MICAL2: variants seen among roughly 807,000 people sequenced by gnomAD.
MICAL2 encodes the protein [F-actin]-monooxygenase MICAL2.
Under a neutral mutation model 127.3 loss-of-function variants are expected in MICAL2, and 77 were observed. That is an observed-to-expected ratio of 0.60 (90% confidence interval 0.50 to 0.73). MICAL2 has a LOEUF of 0.73. Ranked by LOEUF, MICAL2 falls within the 30% of genes least tolerant of loss-of-function variation. The pLI, the probability that MICAL2 is intolerant of heterozygous loss-of-function variation, is 0.00. For synonymous variants in MICAL2, 570 were observed against 551.1 expected (o/e 1.03, Z -0.48); for missense variants, 1,351 against 1,434.4 (o/e 0.94, Z 0.94).
intron 2 of MICAL2, among the ~76,000 whole-genome samples, chr11:12,151,412 G>A (rs1161804224): frequency 6.6e-5 from 10 of 152,140 alleles, no homozygotes. Context: ...TTCACATTGG[G>A]AAGGAATGCC....
chr11:12,141,769 C>T (rs190722921), intron 2 of MICAL2, among the ~76,000 whole-genome samples: 25 of 152,246 alleles, frequency 1.6e-4, no homozygotes, highest in Middle Eastern at 6.8e-3. Flanking sequence ...CCCAAGTTGG[C>T]CAACCCTTGT....
intron 1 of MICAL2, among the ~76,000 whole-genome samples, chr11:12,280,651 G>T (rs1231950984): frequency 6.6e-6 from 1 of 152,154 alleles, no homozygotes; most frequent in Non-Finnish European, 1.5e-5. Flanking sequence ...ATGGGACAAG[G>T]GCCCAGCCTA....
intron 29 of MICAL2, among the ~76,000 whole-genome samples, chr11:12,303,165 G>A (rs2134808041): frequency 6.6e-6 from 1 of 152,292 alleles, no homozygotes; most frequent in East Asian, 1.9e-4. Context: ...TTGATACATG[G>A]GGATTATGGG....
At chr11:12,149,164 CA>C (rs1178353439) in intron 2 of MICAL2, among the ~76,000 whole-genome samples, 1 of 151,964 alleles carries the variant, frequency 6.6e-6, no homozygotes, top group Non-Finnish European at 1.5e-5. Flanking sequence ...TCAGCATCAG[CA>C]AAGGCATGTG....
downstream of MICAL2, among the ~76,000 whole-genome samples, chr11:12,266,387 G>C (rs1565288051): frequency 6.6e-6 from 1 of 152,210 alleles, no homozygotes. Flanking sequence ...CGGTCAAGCA[G>C]AGTGGGTGGG....
chr11:12,341,576 C>T (rs967676184), intron 32 of MICAL2, among the ~76,000 whole-genome samples: 21 of 152,238 alleles, frequency 1.4e-4, no homozygotes, highest in African/African-American at 4.8e-4. Context: ...CCTCTAATCC[C>T]AGCACTTTGG....
chr11:12,333,060 A>G (rs1349035467), intron 32 of MICAL2, among the ~76,000 whole-genome samples: 1 of 152,220 alleles, frequency 6.6e-6, no homozygotes, highest in Admixed American at 6.5e-5. Flanking sequence ...CAAATATTGA[A>G]CAAACGTATT....
At chr11:12,245,459 T>C (rs1860607552) in intron 21 of MICAL2, among the ~76,000 whole-genome samples, 1 of 152,160 alleles carries the variant, frequency 6.6e-6, no homozygotes, top group African/African-American at 2.4e-5. Flanking sequence ...AGGAGAACGG[T>C]GTAGGTAGAG....
intron 31 of MICAL2, chr11:12,324,149 G>C (rs932480959): frequency 1.3e-6 from 2 of 1,520,934 alleles, no homozygotes; most frequent in African/African-American, 2.8e-5. Flanking sequence ...AGTTTTGGGG[G>C]TCTGCATTGT....
chr11:12,269,154 A>G (rs921694026), intron 24 of MICAL2, among the ~76,000 whole-genome samples: 3 of 152,164 alleles, frequency 2.0e-5, no homozygotes, highest in African/African-American at 4.8e-5. Flanking sequence ...TTGTTTGCTC[A>G]GTGCTGGGGT....
At chr11:12,325,227 A>G (rs1864341420) in intron 31 of MICAL2, among the ~76,000 whole-genome samples, 1 of 152,150 alleles carries the variant, frequency 6.6e-6, no homozygotes, top group Non-Finnish European at 1.5e-5. Context: ...CTCTTGCCTC[A>G]GCCTCCTGAG....
chr11:12,337,407 C>A (rs1432677659), intron 32 of MICAL2, among the ~76,000 whole-genome samples: 2 of 152,056 alleles, frequency 1.3e-5, no homozygotes, highest in Non-Finnish European at 2.9e-5. Context: ...AAAACCAGCT[C>A]CTGGATTCAT....
chr11:12,232,165 T>C (rs910973825), intron 15 of MICAL2, among the ~76,000 whole-genome samples: 8 of 152,226 alleles, frequency 5.3e-5, no homozygotes, highest in Admixed American at 3.9e-4. Context: ...TAAATGAAGA[T>C]GCTTGTTTTC....
intron 1 of MICAL2, among the ~76,000 whole-genome samples, chr11:12,123,822 T>C (rs1475270847): frequency 1.6e-5 from 2 of 128,654 alleles, no homozygotes; most frequent in Non-Finnish European, 3.5e-5. Context: ...TTCTCTGTGG[T>C]TTTCCTCTGA....
At chr11:12,205,093 T>A (rs938680732) in intron 4 of MICAL2, among the ~76,000 whole-genome samples, 1 of 152,112 alleles carries the variant, frequency 6.6e-6, no homozygotes, top group Non-Finnish European at 1.5e-5. Flanking sequence ...GAGAACATCA[T>A]GATGGGACTT....
At chr11:12,155,942 A>G (rs1266355213) in intron 2 of MICAL2, among the ~76,000 whole-genome samples, 1 of 152,252 alleles carries the variant, frequency 6.6e-6, no homozygotes, top group Non-Finnish European at 1.5e-5. Context: ...TTGAGTGGCT[A>G]TAAGAAGCAA....
chr11:12,227,028 C>A lies in MICAL2; in HGVS notation c.1892C>A (p.Ser631Tyr), dbSNP rs373323228. Reference protein sequence around the residue: ...FRGTPLRPVDSWRKNYGENAD... With the variant: ...FRGTPLRPVDYWRKNYGENAD... ...GTTGCGCTTTATTTCCCAACAGATT[C>A]TTGGCGCAAAAACTATGGAGAAAAT... Residue 631 changes from serine (S) to tyrosine (Y), a missense_variant, in exon 15 of 28, where the codon TCT becomes TAT. Physicochemically the swap from Ser to Tyr is moderately radical, Grantham distance 144. Coordinates refer to ENST00000683283, the MANE Select transcript of MICAL2 (RefSeq NM_001282663.2). 9.9e-6 allele frequency: 16 copies of A among 1,613,236 alleles called. No homozygotes were observed. The African/African-American group carries it at 1.7e-4, about 18-fold the overall frequency.
At chr11:12,230,198 T>TG (rs1355807667) in intron 15 of MICAL2, among the ~76,000 whole-genome samples, 1 of 152,226 alleles carries the variant, frequency 6.6e-6, no homozygotes, top group Non-Finnish European at 1.5e-5. Context: ...TTTTTTGATT[T>TG]GGGGAACCGA....
intron 2 of MICAL2, chr11:12,161,877 G>A (rs1836693633): frequency 2.1e-6 from 1 of 480,854 alleles, no homozygotes; most frequent in South Asian, 2.3e-5. Flanking sequence ...CATAGGGGAA[G>A]AGATTACCTG....
Sources: gnomAD v4.1 joint callset for allele counts (sites outside exome capture counted in the v4.1 genomes callset) on GRCh38, gnomAD v4.1.1 for gene constraint, MANE v1.5 for transcripts, NCBI Gene and HGNC (gene_info 2026-07-23, HGNC 2026-07-21) for gene names.